RPS6KA5: variants seen among roughly 807,000 people sequenced by gnomAD.
The protein encoded by RPS6KA5 is ribosomal protein S6 kinase alpha-5.
RPS6KA5 carries 27 observed loss-of-function variants against 85.5 expected under a neutral mutation model. That is an observed-to-expected ratio of 0.32 (90% confidence interval 0.23 to 0.44). The LOEUF (loss-of-function observed/expected upper bound fraction) is 0.44. RPS6KA5 is among the 20% of genes least tolerant of loss of function. The pLI, the probability that RPS6KA5 is intolerant of heterozygous loss-of-function variation, is 1.00. For synonymous variants in RPS6KA5, 334 were observed against 348.2 expected (o/e 0.96, Z 0.46); for missense variants, 811 against 980.9 (o/e 0.83, Z 2.31).
intron 2 of RPS6KA5, among the ~76,000 whole-genome samples, chr14:90,990,752 C>T (rs983703995): frequency 2.0e-5 from 3 of 152,034 alleles, no homozygotes; most frequent in African/African-American, 7.2e-5. Context: ...ACGGATACAG[C>T]TGGAGACCAT....
At chr14:90,990,258 C>T (rs564285084) in intron 2 of RPS6KA5, among the ~76,000 whole-genome samples, 5 of 152,060 alleles carry the variant, frequency 3.3e-5, no homozygotes, top group Non-Finnish European at 7.4e-5. Context: ...ATACACATTG[C>T]CAACAAGCAT....
intron 5 of RPS6KA5, among the ~76,000 whole-genome samples, chr14:90,932,768 T>C (rs2037053037): frequency 1.3e-5 from 2 of 152,164 alleles, no homozygotes; most frequent in Non-Finnish European, 2.9e-5. Flanking sequence ...CGTTTGACAT[T>C]ATCCTTCTCA....
intron 5 of RPS6KA5, 99 bp from the exon 6 acceptor site, chr14:90,923,295 T>A: frequency 1.1e-6 from 1 of 905,218 alleles, no homozygotes; most frequent in East Asian, 2.5e-5. Flanking sequence ...TACACTATAG[T>A]GGCAAAGTAG....
intron 5 of RPS6KA5, among the ~76,000 whole-genome samples, chr14:90,928,776 G>A (rs149621764): frequency 0.014 from 2,118 of 146,974 alleles, 17 homozygotes; most frequent in Non-Finnish European, 0.022. Flanking sequence ...CACTCTGGCA[G>A]ATTTGAAAGT....
chr14:90,892,303 GT>G (rs1404463594), intron 13 of RPS6KA5, among the ~76,000 whole-genome samples: 1 of 152,080 alleles, frequency 6.6e-6, no homozygotes, highest in Non-Finnish European at 1.5e-5. Context: ...CGCTCGGCCA[GT>G]TTCACTTCTT....
chr14:91,044,421 GA>G (rs2042776617), intron 1 of RPS6KA5, among the ~76,000 whole-genome samples: 1 of 116,990 alleles, frequency 8.5e-6, no homozygotes, highest in Non-Finnish European at 1.8e-5. Flanking sequence ...AAGAAAGAAA[GA>G]AAGAAAGAAA....
chr14:91,020,080 G>A (rs2041680415), intron 1 of RPS6KA5, among the ~76,000 whole-genome samples: 1 of 152,124 alleles, frequency 6.6e-6, no homozygotes, highest in Non-Finnish European at 1.5e-5. Context: ...TCTAAACATA[G>A]AAAAGTTACA....
At chr14:90,964,360 A>G (rs911499622) in intron 3 of RPS6KA5, among the ~76,000 whole-genome samples, 1 of 152,230 alleles carries the variant, frequency 6.6e-6, no homozygotes, top group African/African-American at 2.4e-5. Flanking sequence ...ACTGAAAAAA[A>G]TAATATATAA....
chr14:90,905,023 C>A (rs1272618253), intron 8 of RPS6KA5, among the ~76,000 whole-genome samples: 1 of 152,100 alleles, frequency 6.6e-6, no homozygotes, highest in African/African-American at 2.4e-5. Context: ...GTAATCCTTC[C>A]AAGCCATGTG....
intron 2 of RPS6KA5, among the ~76,000 whole-genome samples, chr14:90,990,663 T>G (rs1253783412): frequency 6.6e-6 from 1 of 152,116 alleles, no homozygotes; most frequent in East Asian, 1.9e-4. Context: ...GTGGACTGGA[T>G]AAAGAAAATA....
At chr14:90,894,309 A>C in intron 13 of RPS6KA5, 104 bp downstream of exon 13, 1 of 1,394,342 alleles carries the variant, frequency 7.2e-7, no homozygotes, top group Middle Eastern at 1.9e-4. Flanking sequence ...CAGCCTTGAA[A>C]AGTAAAAAAA....
At chr14:90,926,220 C>T (rs2036659530) in intron 5 of RPS6KA5, among the ~76,000 whole-genome samples, 1 of 151,566 alleles carries the variant, frequency 6.6e-6, no homozygotes, top group African/African-American at 2.4e-5. Context: ...GCCTGGCCAA[C>T]ATAGCTCAAA....
chr14:90,987,308 A>G (rs572925656), intron 2 of RPS6KA5, among the ~76,000 whole-genome samples: 1 of 152,356 alleles, frequency 6.6e-6, no homozygotes, highest in South Asian at 2.1e-4. Flanking sequence ...AAGTCATCAT[A>G]CTTTTTAAAA....
rs1284502648 is a variant in RPS6KA5 at position 90,853,682 on chromosome 14, A to AAC, written c.*18391_*18392insGT. The stretch of plus-strand genomic sequence containing the variant: ...CTACTAAAAATACAAAAAAAAAAAA[A>AAC]AAAACCCTAAAATTTAACACTATGA... On this transcript the variant is annotated 3_prime_UTR_variant, in exon 17 of 17. Transcript: ENST00000614987. 1 of 151,298 alleles carries AAC rather than the reference A, an allele frequency of 6.6e-6. No individual in the cohort carries two copies. Among genetic ancestry groups the AAC allele is most frequent in the Non-Finnish European group, 1.5e-5 (1 of 67,770 alleles). 9.4% of individuals were successfully genotyped at this position (151,298 alleles called of 1,614,324 possible).
rs2031867085 is a variant in RPS6KA5 at position 90,849,235 on chromosome 14, C to T, written c.*22839G>A. ...CTGCTTATCAGGCAACTAACAGAGC[C>T]GGCAACAGAAAGGTTACAAGGCCAC... On this transcript the variant is annotated 3_prime_UTR_variant, in exon 17 of 17. Coordinates refer to ENST00000614987, the MANE Select transcript of RPS6KA5 (RefSeq NM_004755.4). 6.6e-6 allele frequency: 1 copy of T among 152,148 alleles called. No homozygotes were observed. The highest frequency in any genetic ancestry group is 6.5e-5 in the Admixed American group (1 of 15,276). The allele number at this position is 152,148 out of a possible 1,614,324, so 9.4% of individuals were successfully genotyped here.
chr14:90,875,366 A>T lies in RPS6KA5; in HGVS notation c.1837-6T>A. ...TGTCCTGACAACATTGTGTACTATCAGGGAAAAAGTAACAAAACAGAATGA... is the reference window on the plus strand; with the variant it reads ...TGTCCTGACAACATTGTGTACTATCTGGGAAAAAGTAACAAAACAGAATGA... On this transcript the variant is annotated splice_region_variant and splice_polypyrimidine_tract_variant and intron_variant, in intron 14 of 16. Transcript: ENST00000614987. 1 of 1,608,586 alleles carries T rather than the reference A, an allele frequency of 6.2e-7. No homozygotes were observed. Among genetic ancestry groups the T allele is most frequent in the Non-Finnish European group, 8.5e-7 (1 of 1,176,810 alleles).
intron 3 of RPS6KA5, among the ~76,000 whole-genome samples, chr14:90,974,520 G>A (rs2039473425): frequency 6.6e-6 from 1 of 152,230 alleles, no homozygotes; most frequent in African/African-American, 2.4e-5. Flanking sequence ...CTGGTCTTGT[G>A]TTGACAGTGA....
At chr14:91,029,562 A>ACTAG (rs372831675) in intron 1 of RPS6KA5, among the ~76,000 whole-genome samples, 227 of 152,338 alleles carry the variant, frequency 1.5e-3, no homozygotes, top group African/African-American at 4.8e-3. Context: ...GGACCCATTT[A>ACTAG]CTAGCTATAA....
chr14:91,028,296 C>G (rs1478304242), intron 1 of RPS6KA5, among the ~76,000 whole-genome samples: 1 of 152,092 alleles, frequency 6.6e-6, no homozygotes, highest in Non-Finnish European at 1.5e-5. Flanking sequence ...GGGCTCACTG[C>G]CACCTCGACC....
Sources: gnomAD v4.1 joint callset for allele counts (sites outside exome capture counted in the v4.1 genomes callset) on GRCh38, gnomAD v4.1.1 for gene constraint, MANE v1.5 for transcripts, NCBI Gene and HGNC (gene_info 2026-07-23, HGNC 2026-07-21) for gene names.